ENTREP2: variants seen among roughly 807,000 people sequenced by gnomAD.
ENTREP2 encodes the protein endosomal transmembrane epsin interactor 2.
chr15:29,359,091 C>T, the ENTREP2 span, among the ~76,000 whole-genome samples: 1 of 152,208 alleles, frequency 6.6e-6, no homozygotes, highest in Non-Finnish European at 1.5e-5. Flanking sequence ...ACAGTAATAT[C>T]CCAACATCCA....
the ENTREP2 span, among the ~76,000 whole-genome samples, chr15:29,255,732 T>C: frequency 6.6e-6 from 1 of 151,982 alleles, no homozygotes; most frequent in Admixed American, 6.5e-5. Flanking sequence ...CCAGGCGCGG[T>C]GGCTCATGCC....
At chr15:29,286,457 C>G in the ENTREP2 span, among the ~76,000 whole-genome samples, 2 of 152,190 alleles carry the variant, frequency 1.3e-5, no homozygotes, top group African/African-American at 4.8e-5. Context: ...CCTACATGCC[C>G]TTTTGTACCA....
chr15:29,259,850 A>G, the ENTREP2 span, among the ~76,000 whole-genome samples: 1 of 151,626 alleles, frequency 6.6e-6, no homozygotes, highest in Non-Finnish European at 1.5e-5. Context: ...AATTATTAAA[A>G]AATCAAAACA....
At chr15:29,398,713 G>A in the ENTREP2 span, among the ~76,000 whole-genome samples, 1 of 152,196 alleles carries the variant, frequency 6.6e-6, no homozygotes, top group African/African-American at 2.4e-5. Context: ...GACAGAGCGA[G>A]ACTCCGTCTC....
At chr15:29,223,765 C>T in the ENTREP2 span, among the ~76,000 whole-genome samples, 7 of 152,096 alleles carry the variant, frequency 4.6e-5, no homozygotes, top group African/African-American at 1.7e-4. Flanking sequence ...GGAGCCCCTG[C>T]GCCTGCAGCC....
chr15:29,556,006 C>T, the ENTREP2 span, among the ~76,000 whole-genome samples: 1 of 152,240 alleles, frequency 6.6e-6, no homozygotes, highest in African/African-American at 2.4e-5. Context: ...GTAATCCCAA[C>T]ACTTTGAAAG....
At chr15:29,531,656 A>G in the ENTREP2 span, among the ~76,000 whole-genome samples, 1 of 152,218 alleles carries the variant, frequency 6.6e-6, no homozygotes, top group African/African-American at 2.4e-5. Context: ...TGAAATATGT[A>G]AACATTATGG....
chr15:29,212,094 TC>T, the ENTREP2 span, among the ~76,000 whole-genome samples: 1 of 152,008 alleles, frequency 6.6e-6, no homozygotes, highest in African/African-American at 2.4e-5. Flanking sequence ...CTGCTGTGAA[TC>T]CGTCTGGTCC....
chr15:29,206,147 G>A, the ENTREP2 span, among the ~76,000 whole-genome samples: 1 of 152,176 alleles, frequency 6.6e-6, no homozygotes, highest in Non-Finnish European at 1.5e-5. Flanking sequence ...CAGAGTTCTG[G>A]AGGCTGGGAA....
At chr15:29,347,172 TC>T in the ENTREP2 span, among the ~76,000 whole-genome samples, 1 of 145,796 alleles carries the variant, frequency 6.9e-6, no homozygotes. Context: ...TGGTTTCTTT[TC>T]CTTTCTTTCT....
chr15:29,489,790 G>A, the ENTREP2 span, among the ~76,000 whole-genome samples: 6,154 of 152,160 alleles, frequency 0.04, 400 homozygotes, highest in African/African-American at 0.14. Flanking sequence ...ACATTTGCAC[G>A]TCTGGGTACC....
chr15:29,565,958 C>T, the ENTREP2 span, among the ~76,000 whole-genome samples: 1 of 143,772 alleles, frequency 7.0e-6, no homozygotes, highest in Non-Finnish European at 1.5e-5. Context: ...AAGGCTCTGT[C>T]TCAAAAAAAA....
chr15:29,505,532 C>G, the ENTREP2 span, among the ~76,000 whole-genome samples: 1 of 152,194 alleles, frequency 6.6e-6, no homozygotes, highest in Non-Finnish European at 1.5e-5. This position sits in a 1 kb window ranked among gnomAD's most constrained non-coding sequence, Gnocchi z 4.3. Context: ...GCAGGTGCCC[C>G]TCTGAGATGA....
the ENTREP2 span, among the ~76,000 whole-genome samples, chr15:29,509,422 C>T: frequency 6.7e-3 from 1,022 of 152,042 alleles, 10 homozygotes; most frequent in African/African-American, 0.023. Flanking sequence ...CATATGGAAC[C>T]AAAAAAGAGC....
At chr15:29,423,442 G>A in the ENTREP2 span, among the ~76,000 whole-genome samples, 1 of 152,048 alleles carries the variant, frequency 6.6e-6, no homozygotes, top group South Asian at 2.1e-4. Flanking sequence ...CATACACAAA[G>A]ATAAACCAAT....
At chr15:29,473,103 T>C in the ENTREP2 span, among the ~76,000 whole-genome samples, 1 of 152,216 alleles carries the variant, frequency 6.6e-6, no homozygotes, top group African/African-American at 2.4e-5. Context: ...ACAGCTGGTT[T>C]ACCTGTTGGA....
chr15:29,306,106 G>T, the ENTREP2 span, among the ~76,000 whole-genome samples: 1 of 152,244 alleles, frequency 6.6e-6, no homozygotes, highest in Non-Finnish European at 1.5e-5. Flanking sequence ...CCCAGGCAGC[G>T]CTGCGATACC....
the ENTREP2 span, among the ~76,000 whole-genome samples, chr15:29,503,204 C>T: frequency 6.6e-6 from 1 of 152,058 alleles, no homozygotes; most frequent in Non-Finnish European, 1.5e-5. Flanking sequence ...AAATGTTCAT[C>T]AATTGATAAA....
the ENTREP2 span, among the ~76,000 whole-genome samples, chr15:29,383,608 A>G: frequency 0.06 from 9,204 of 152,276 alleles, 374 homozygotes; most frequent in African/African-American, 0.087. Flanking sequence ...AGCACTGGCC[A>G]GACCCGGGAG....
Sources: gnomAD v4.1 joint callset for allele counts (sites outside exome capture counted in the v4.1 genomes callset) on GRCh38, gnomAD v4.1.1 for gene constraint, Gnocchi (gnomAD v3.1) non-coding constraint, MANE v1.5 for transcripts, NCBI Gene and HGNC (gene_info 2026-07-23, HGNC 2026-07-21) for gene names.